Variants in DYNLRB2 observed in about 807,000 individuals in gnomAD.
The protein encoded by DYNLRB2 is bithoraxoid-like protein.
In DYNLRB2, 14 loss-of-function variants were observed where a neutral mutation model predicts 12.6. The ratio of observed to expected loss-of-function variants is 1.11; its 90% confidence interval spans 0.73 to 1.73. The LOEUF is 1.73. DYNLRB2 is among the 40% of genes most tolerant of loss of function. The pLI is 0.00. For missense variants in DYNLRB2, 142 were observed against 117.7 expected (o/e 1.21, Z -0.95); for synonymous variants, 53 against 37.0 (o/e 1.43, Z -1.57).
At chr16:80,542,749 A>G (rs891701443) in intron 1 of DYNLRB2, among the ~76,000 whole-genome samples, 1 of 152,234 alleles carries the variant, frequency 6.6e-6, no homozygotes, top group African/African-American at 2.4e-5. Flanking sequence ...ATCCTGGAAT[A>G]CTTTGTTTTT....
At chr16:80,543,677 T>C (rs1904310969) in intron 2 of DYNLRB2, among the ~76,000 whole-genome samples, 1 of 152,196 alleles carries the variant, frequency 6.6e-6, no homozygotes, top group Non-Finnish European at 1.5e-5. Context: ...ATATAGAAGA[T>C]AGGGAGAATA....
Position 80,550,642 on chromosome 16 carries a change from T to A in DYNLRB2, c.*84T>A. 7.1e-7 allele frequency: 1 copy of A among 1,399,088 alleles called. No homozygotes were observed. Among genetic ancestry groups the A allele is most frequent in the Non-Finnish European group, 1.0e-6 (1 of 986,080 alleles). 86.7% of individuals were successfully genotyped at this position (1,399,088 alleles called of 1,614,324 possible). A position where few individuals can be genotyped will look rare whatever the true frequency, so the allele number is the denominator to read the frequency against. On this transcript the variant is annotated 3_prime_UTR_variant, in exon 4 of 4. Coordinates refer to ENST00000305904, the MANE Select transcript of DYNLRB2 (RefSeq NM_130897.3). The stretch of plus-strand genomic sequence containing the variant: ...TGAGTATTAAAATTCTATTTCAATC[T>A]AACTGACCCTTCAAACATTCTTTTC...
chr16:80,540,886 T>C (rs1567514965), upstream of DYNLRB2: 4 of 1,012,236 alleles, frequency 4.0e-6, no homozygotes, highest in Non-Finnish European at 6.1e-6. Context: ...CCGCGAACCT[T>C]CGCCTACGGC....
chr16:80,540,976 G>A (rs1297733508), upstream of DYNLRB2: 9 of 1,574,520 alleles, frequency 5.7e-6, no homozygotes, highest in East Asian at 1.1e-4. Context: ...CGCTTCCGTG[G>A]GGCCACTTCC....
intron 3 of DYNLRB2, among the ~76,000 whole-genome samples, 163 bp downstream of exon 3, chr16:80,549,814 T>A (rs923275102): frequency 6.6e-6 from 1 of 152,206 alleles, no homozygotes; most frequent in Non-Finnish European, 1.5e-5. Flanking sequence ...ACCAAAAAAA[T>A]TGTATGAAAT....
chr16:80,550,537 C>CA lies in DYNLRB2; in HGVS notation c.271dup (p.Ile91AsnfsTer6), dbSNP rs757117708. On this transcript the variant is annotated frameshift_variant, in exon 4 of 4. Transcript: ENST00000305904. LOFTEE classifies it high-confidence loss of function. ...TAGATAAGGAATATCTTCTGATCGT[C>CA]ATTCAGAATCCATGTGAATAGACCT... The CA allele has an allele frequency of 1.4e-5, 23 of 1,614,074 alleles. No individual in the cohort carries two copies. Among genetic ancestry groups the CA allele is most frequent in the Non-Finnish European group, 2.5e-6 (3 of 1,180,034 alleles).
chr16:80,543,325 T>G lies in DYNLRB2; in HGVS notation c.53T>G (p.Ile18Ser), dbSNP rs772797116. The G allele has an allele frequency of 1.2e-6, 2 of 1,614,064 alleles. No homozygotes were observed. Among genetic ancestry groups the G allele is most frequent in the South Asian group, 1.1e-5 (1 of 91,070 alleles). ...AGGATCCAGAGTCATAAAGGGGTTA[T>G]TGGAACTATGGTTGTAAATGCAGAA... The part of the protein sequence containing the change: ...LKRIQSHKGV[I>S]GTMVVNAEGI... The change falls in exon 2 of 4, where the codon ATT (isoleucine) becomes AGT (serine). Residue 18 changes from isoleucine to serine, a missense_variant. Transcript: ENST00000305904.
chr16:80,549,439 T>C (rs1904695246), intron 2 of DYNLRB2, 45 bp from the exon 3 acceptor site: 3 of 1,524,306 alleles, frequency 2.0e-6, no homozygotes, highest in Non-Finnish European at 2.7e-6. Flanking sequence ...ACTTATTACT[T>C]TTCTAATCAG....
intron 2 of DYNLRB2, chr16:80,548,823 T>A (rs1597094386): frequency 2.5e-6 from 1 of 397,122 alleles, no homozygotes; most frequent in East Asian, 7.3e-5. Flanking sequence ...AAAACTACAA[T>A]ATCCTTATTA....
intron 2 of DYNLRB2, 107 bp from the exon 3 acceptor site, chr16:80,549,377 A>T: frequency 8.7e-7 from 1 of 1,143,958 alleles, no homozygotes; most frequent in Non-Finnish European, 1.2e-6. Context: ...ATAAGCCATC[A>T]CTTTTTTCTC....
chr16:80,545,492 C>T (rs568065036), intron 2 of DYNLRB2, among the ~76,000 whole-genome samples: 4 of 152,034 alleles, frequency 2.6e-5, no homozygotes, highest in African/African-American at 9.6e-5. Flanking sequence ...TATTTATGGC[C>T]AGGTGCACAC....
intron 3 of DYNLRB2, 41 bp from the exon 4 acceptor site, chr16:80,550,468 ATTAAAT>A (rs1904773496): frequency 6.2e-7 from 1 of 1,609,302 alleles, no homozygotes; most frequent in South Asian, 1.1e-5. Context: ...ATATTCCTTG[ATTAAAT>A]TTAAATTAAG....
Position 80,541,076 on chromosome 16 carries a change from G to A in DYNLRB2, c.-1G>A, listed in dbSNP as rs763341973. ...GAGCCCAGAGTTTCGCGGCCTCCGC[G>A]ATGGTAAATCTGGGGTCTCCGTCCA... On this transcript the variant is annotated 5_prime_UTR_variant, in exon 1 of 4. Transcript: ENST00000305904. The A allele has an allele frequency of 1.1e-5, 18 of 1,608,286 alleles. No individual in the cohort carries two copies. Among genetic ancestry groups the A allele is most frequent in the Middle Eastern group, 1.7e-4 (1 of 6,038 alleles).
chr16:80,550,448 A>G (rs1904772277), intron 3 of DYNLRB2, 67 bp from the exon 4 acceptor site: 11 of 1,584,754 alleles, frequency 6.9e-6, no homozygotes, highest in Non-Finnish European at 8.7e-6. Flanking sequence ...AAAAAAGAAG[A>G]CTAGTTGAAA....
intron 1 of DYNLRB2, among the ~76,000 whole-genome samples, chr16:80,541,551 G>A (rs1290793640): frequency 6.7e-6 from 1 of 148,998 alleles, no homozygotes; most frequent in Non-Finnish European, 1.5e-5. Flanking sequence ...AAAAAGGAAA[G>A]AAGTGATGGG....
chr16:80,542,737 G>C (rs8048990), intron 1 of DYNLRB2, among the ~76,000 whole-genome samples: 60,990 of 152,038 alleles, frequency 0.4, 15,090 homozygotes, highest in East Asian at 0.7. Context: ...GAAAATCCTA[G>C]AATCCTGGAA....
intron 1 of DYNLRB2, chr16:80,541,424 G>T: frequency 1.0e-6 from 1 of 983,516 alleles, no homozygotes; most frequent in East Asian, 1.1e-4. Flanking sequence ...GCGGGAGGCC[G>T]AGATGGAGAG....
rs1202832349 is a variant in DYNLRB2 at position 80,550,712 on chromosome 16, T to A, written c.*154T>A. On this transcript the variant is annotated 3_prime_UTR_variant, in exon 4 of 4. Transcript: ENST00000305904. Reference sequence around the variant, plus strand: ...TTCTGCATGTCTCATTTAGTCCCTTTTGATTATATTGTGAAGTTGTACTTT... The same window carrying A: ...TTCTGCATGTCTCATTTAGTCCCTTATGATTATATTGTGAAGTTGTACTTT... 1 of 776,710 alleles carries A rather than the reference T, an allele frequency of 1.3e-6. No individual in the cohort carries two copies. Among genetic ancestry groups the A allele is most frequent in the African/African-American group, 1.7e-5 (1 of 57,258 alleles). 48.1% of individuals were successfully genotyped at this position (776,710 alleles called of 1,614,324 possible).
At chr16:80,549,114 G>C (rs1295876994) in intron 2 of DYNLRB2, 3 of 422,016 alleles carry the variant, frequency 7.1e-6, no homozygotes, top group Non-Finnish European at 1.4e-5. Flanking sequence ...CACCCCATTA[G>C]CTATAAAAAA....
Sources: gnomAD v4.1 joint callset for allele counts (sites outside exome capture counted in the v4.1 genomes callset) on GRCh38, gnomAD v4.1.1 for gene constraint, MANE v1.5 for transcripts, NCBI Gene and HGNC (gene_info 2026-07-23, HGNC 2026-07-21) for gene names.